Variants in CTNND2 observed in about 807,000 individuals in gnomAD.
CTNND2 encodes catenin delta 2.
In CTNND2, 22 loss-of-function variants were observed where a neutral mutation model predicts 144.4. The observed-to-expected ratio is 0.15, with a 90% CI of 0.11 to 0.22. The LOEUF (loss-of-function observed/expected upper bound fraction) is 0.22, where lower values mean the gene tolerates loss of function less well. Among genes scored for constraint, CTNND2 ranks in the 10% least tolerant of loss-of-function variants. The pLI is 1.00. For missense variants in CTNND2, 1,353 were observed against 1,618.8 expected (o/e 0.84, Z 2.82); for synonymous variants, 751 against 695.6 (o/e 1.08, Z -1.25).
intron 10 of CTNND2, among the ~76,000 whole-genome samples, chr5:11,212,067 TTTTC>T (rs1467493769): frequency 6.6e-6 from 1 of 152,224 alleles, no homozygotes; most frequent in Non-Finnish European, 1.5e-5. Flanking sequence ...ACATATTTTT[TTTTC>T]TTTCTATTTT....
rs193237104 is a variant in CTNND2, at chr5:11,189,861, T to C, written c.1975+9587A>G. On this transcript the variant is annotated intron_variant, in intron 11 of 21. Transcript: ENST00000304623. ...TCTGTCTCTAGGACTGAGGGTGGAG[T>C]ATACAGAAAGTTAAAGGTGTGGATT... 1.6e-3 allele frequency among the ~76,000 whole-genome samples: 240 copies of C among 152,068 alleles called. 2 individuals carry two copies. Among genetic ancestry groups the C allele is most frequent in the Admixed American group, 5.4e-3 (82 of 15,284 alleles).
At chr5:11,593,733 G>A (rs1302738247) in intron 2 of CTNND2, among the ~76,000 whole-genome samples, 1 of 152,158 alleles carries the variant, frequency 6.6e-6, no homozygotes, top group Non-Finnish European at 1.5e-5. Context: ...CCACCCATGT[G>A]GAATTGTGAG....
At chr5:11,419,607 T>G (rs963909557) in intron 3 of CTNND2, among the ~76,000 whole-genome samples, 1 of 152,204 alleles carries the variant, frequency 6.6e-6, no homozygotes, top group Non-Finnish European at 1.5e-5. Context: ...TCAGAGGGCA[T>G]GAAATAGGAA....
At chr5:10,987,247 G>A (rs1429505630) in intron 20 of CTNND2, among the ~76,000 whole-genome samples, 1 of 152,184 alleles carries the variant, frequency 6.6e-6, no homozygotes, top group African/African-American at 2.4e-5. Flanking sequence ...GTGAGGTATG[G>A]AGAGCTTGGA....
chr5:10,979,087 T>C (rs778613716), intron 21 of CTNND2, among the ~76,000 whole-genome samples: 6 of 152,166 alleles, frequency 3.9e-5, no homozygotes, highest in Non-Finnish European at 7.4e-5. Context: ...TCTCTCTACC[T>C]GAGGGGACTC....
chr5:11,046,288 C>A (rs914734011), intron 16 of CTNND2, among the ~76,000 whole-genome samples: 5 of 152,122 alleles, frequency 3.3e-5, no homozygotes, highest in African/African-American at 1.2e-4. Flanking sequence ...AAGGAAAGCA[C>A]CATGTGAAGA....
At position 11,018,066 on chromosome 5, in the gene CTNND2, A is replaced by C; in HGVS notation, c.3000-8T>G. 6.2e-7 allele frequency: 1 copy of C among 1,606,998 alleles called. No homozygotes were observed. The highest frequency in any genetic ancestry group is 1.1e-5 in the South Asian group (1 of 90,926). ...ACCACTTTTGGAGAGTGTCTGATGA[A>C]GAAAAGACAGGAAAGGCAAGATGTG... On this transcript the variant is annotated splice_region_variant and splice_polypyrimidine_tract_variant and intron_variant, in intron 17 of 21. Coordinates refer to ENST00000304623, the MANE Select transcript of CTNND2 (RefSeq NM_001332.4).
Position 11,785,370 on chromosome 5 carries a change from G to C in CTNND2, c.38-53098C>G, listed in dbSNP as rs544321130. On this transcript the variant is annotated intron_variant, in intron 1 of 21. Transcript: ENST00000304623. ...AATAATGATGGCTGGAGTAAAGAAG[G>C]GTTAATTCGGATTTTTGAACAAAAT... 3.9e-5 allele frequency among the ~76,000 whole-genome samples: 6 copies of C among 152,120 alleles called. No homozygotes were observed. The South Asian group carries it at 1.0e-3, about 26-fold the overall frequency.
chr5:11,308,182 T>G (rs1031197484), intron 9 of CTNND2, among the ~76,000 whole-genome samples: 1 of 152,160 alleles, frequency 6.6e-6, no homozygotes, highest in Non-Finnish European at 1.5e-5. Flanking sequence ...TGTTTTAAAT[T>G]GTATGCCTAA....
At chr5:11,415,769 A>G (rs1182906294) in intron 3 of CTNND2, among the ~76,000 whole-genome samples, 1 of 152,144 alleles carries the variant, frequency 6.6e-6, no homozygotes, top group Non-Finnish European at 1.5e-5. Context: ...CTTTGAGGAA[A>G]ACACTCTGCT....
chr5:11,516,269 CA>C (rs1484708233), intron 3 of CTNND2, among the ~76,000 whole-genome samples: 1 of 151,804 alleles, frequency 6.6e-6, no homozygotes, highest in East Asian at 1.9e-4. Flanking sequence ...GAGAATAAGA[CA>C]AGGATGTCCA....
chr5:11,725,037 G>A (rs1379845807), intron 2 of CTNND2, among the ~76,000 whole-genome samples: 2 of 152,182 alleles, frequency 1.3e-5, no homozygotes, highest in African/African-American at 4.8e-5. Flanking sequence ...TGAAAAAGGA[G>A]GATGCTAATC....
intron 9 of CTNND2, among the ~76,000 whole-genome samples, chr5:11,330,093 T>A (rs1752935428): frequency 6.6e-6 from 1 of 151,920 alleles, no homozygotes; most frequent in Non-Finnish European, 1.5e-5. Flanking sequence ...TACATAAAGG[T>A]CCTGTTGTAC....
At chr5:11,825,437 A>C (rs1213312757) in intron 1 of CTNND2, among the ~76,000 whole-genome samples, 1 of 152,186 alleles carries the variant, frequency 6.6e-6, no homozygotes, top group East Asian at 1.9e-4. Context: ...TAAACAGAGC[A>C]TCCAAGAATT....
chr5:11,358,693 C>A (rs903422275), intron 8 of CTNND2, among the ~76,000 whole-genome samples: 1 of 152,164 alleles, frequency 6.6e-6, no homozygotes, highest in African/African-American at 2.4e-5. Context: ...CCTATGTAAT[C>A]CCTCTATCGC....
At chr5:11,127,769 G>C (rs1417137557) in intron 12 of CTNND2, among the ~76,000 whole-genome samples, 2 of 151,208 alleles carry the variant, frequency 1.3e-5, no homozygotes, top group Non-Finnish European at 2.9e-5. Flanking sequence ...CCCAGGAGCT[G>C]TACTTAACAG....
chr5:11,475,638 A>T (rs1185456394), intron 3 of CTNND2, among the ~76,000 whole-genome samples: 1 of 152,206 alleles, frequency 6.6e-6, no homozygotes, highest in East Asian at 1.9e-4. Flanking sequence ...GTTTTATATC[A>T]GGGTGCAGTT....
intron 3 of CTNND2, among the ~76,000 whole-genome samples, chr5:11,529,259 A>AAAC (rs527573485): frequency 6.6e-6 from 1 of 152,210 alleles, no homozygotes; most frequent in South Asian, 2.1e-4. Flanking sequence ...AAACAAAACA[A>AAAC]AACAACAACA....
At chr5:11,574,396 C>T (rs910900333) in intron 2 of CTNND2, among the ~76,000 whole-genome samples, 2 of 152,028 alleles carry the variant, frequency 1.3e-5, no homozygotes, top group Admixed American at 6.6e-5. Context: ...CTGTAACAAG[C>T]GGTCTAACCC....
Sources: gnomAD v4.1 joint callset for allele counts (sites outside exome capture counted in the v4.1 genomes callset) on GRCh38, gnomAD v4.1.1 for gene constraint, MANE v1.5 for transcripts, NCBI Gene and HGNC (gene_info 2026-07-23, HGNC 2026-07-21) for gene names.